PMFBP1: variants seen among roughly 807,000 people sequenced by gnomAD.
PMFBP1 encodes polyamine-modulated factor 1-binding protein 1.
Under a neutral mutation model 137.8 loss-of-function variants are expected in PMFBP1, and 131 were observed. The observed-to-expected ratio is 0.95, with a 90% CI of 0.82 to 1.10. PMFBP1 has a LOEUF of 1.10. Ranked by LOEUF, PMFBP1 falls within the 50% of genes least tolerant of loss-of-function variation. The probability of loss-of-function intolerance (pLI) is 0.00; values close to 1 mark genes in which losing one functional copy is unlikely to be tolerated. For synonymous variants in PMFBP1, 490 were observed against 450.4 expected (o/e 1.09, Z -1.11); for missense variants, 1,199 against 1,175.4 (o/e 1.02, Z -0.29).
the PMFBP1 span, among the ~76,000 whole-genome samples, chr16:72,191,790 G>C: frequency 6.6e-6 from 1 of 152,186 alleles, no homozygotes; most frequent in Non-Finnish European, 1.5e-5. Context: ...AAGAGGCTCT[G>C]TCCTGGCAGG....
the PMFBP1 span, among the ~76,000 whole-genome samples, chr16:72,191,793 C>T: frequency 3.3e-5 from 5 of 152,194 alleles, no homozygotes; most frequent in Non-Finnish European, 5.9e-5. Flanking sequence ...AGGCTCTGTC[C>T]TGGCAGGCAC....
At chr16:72,208,006 G>A in the PMFBP1 span, among the ~76,000 whole-genome samples, 1 of 152,148 alleles carries the variant, frequency 6.6e-6, no homozygotes, top group Non-Finnish European at 1.5e-5. Flanking sequence ...AGCTCAGATA[G>A]CCAGGCAGGA....
At chr16:72,173,195 C>G (rs368191952), upstream of PMFBP1, among the ~76,000 whole-genome samples, 30 of 152,286 alleles carry the variant, frequency 2.0e-4, 2 homozygotes, top group Admixed American at 1.0e-3. Flanking sequence ...AGAAGTCTTT[C>G]CTAGCTTTAA....
chr16:72,235,927 C>A, the PMFBP1 span, among the ~76,000 whole-genome samples: 1 of 152,046 alleles, frequency 6.6e-6, no homozygotes, highest in Admixed American at 6.6e-5. Context: ...CAAGATCATG[C>A]CATCTAAAAA....
the PMFBP1 span, among the ~76,000 whole-genome samples, chr16:72,242,427 G>T: frequency 6.6e-6 from 1 of 152,238 alleles, no homozygotes; most frequent in Admixed American, 6.5e-5. Context: ...GTAAAGGAAA[G>T]TATCTAATTA....
At chr16:72,141,839 T>C (rs554254616) in intron 5 of PMFBP1, among the ~76,000 whole-genome samples, 1 of 152,164 alleles carries the variant, frequency 6.6e-6, no homozygotes, top group African/African-American at 2.4e-5. Flanking sequence ...ATTGTACTAT[T>C]GTCCTTCAAA....
the PMFBP1 span, among the ~76,000 whole-genome samples, chr16:72,227,155 C>T: frequency 1.3e-4 from 19 of 151,884 alleles, no homozygotes; most frequent in South Asian, 2.1e-4. Flanking sequence ...GCTTAATGTC[C>T]GCATTTAATA....
At chr16:72,126,629 T>A (rs2144258086) in intron 14 of PMFBP1, among the ~76,000 whole-genome samples, 1 of 152,356 alleles carries the variant, frequency 6.6e-6, no homozygotes, top group Non-Finnish European at 1.5e-5. Flanking sequence ...ATGACAGAGT[T>A]TCAGGAAATG....
At chr16:72,123,689 G>C in intron 17 of PMFBP1, 40 bp from the exon 18 acceptor site, 1 of 1,562,312 alleles carries the variant, frequency 6.4e-7, no homozygotes, top group South Asian at 1.1e-5. Context: ...AGAGGTGGGA[G>C]CACAGGCCTG....
chr16:72,175,843 T>C (rs890519894), upstream of PMFBP1, among the ~76,000 whole-genome samples: 2 of 152,216 alleles, frequency 1.3e-5, no homozygotes, highest in Admixed American at 1.3e-4. Flanking sequence ...AAAGGTTTTC[T>C]CTATTTTTAA....
intron 7 of PMFBP1, among the ~76,000 whole-genome samples, chr16:72,137,244 G>A (rs1020533119): frequency 6.6e-6 from 1 of 152,110 alleles, no homozygotes; most frequent in African/African-American, 2.4e-5. Context: ...CTGTGTGCCC[G>A]GCACTGTCCT....
At chr16:72,198,784 AG>A in the PMFBP1 span, among the ~76,000 whole-genome samples, 2 of 152,094 alleles carry the variant, frequency 1.3e-5, no homozygotes, top group South Asian at 2.1e-4. Context: ...GTGTATTTTC[AG>A]TCCCTGTCAC....
upstream of PMFBP1, among the ~76,000 whole-genome samples, chr16:72,172,924 G>A (rs538992761): frequency 2.0e-5 from 3 of 152,332 alleles, no homozygotes; most frequent in South Asian, 6.2e-4. Flanking sequence ...TGTTAAAAAT[G>A]CAATATCTGT....
At chr16:72,222,300 G>C in the PMFBP1 span, among the ~76,000 whole-genome samples, 1 of 152,176 alleles carries the variant, frequency 6.6e-6, no homozygotes, top group Non-Finnish European at 1.5e-5. Context: ...CCTAAGATCA[G>C]TGCAGCCCTC....
At chr16:72,133,469 G>A (rs933534030) in intron 9 of PMFBP1, among the ~76,000 whole-genome samples, 5 of 152,108 alleles carry the variant, frequency 3.3e-5, no homozygotes, top group South Asian at 2.1e-4. Flanking sequence ...CTGAGCCACC[G>A]TACCCAGCCG....
downstream of PMFBP1, among the ~76,000 whole-genome samples, chr16:72,116,955 C>G (rs1172512733): frequency 7.3e-6 from 1 of 137,462 alleles, no homozygotes; most frequent in Non-Finnish European, 1.5e-5. Context: ...CAGCTTTGTT[C>G]TTCTTTTTTG....
downstream of PMFBP1, among the ~76,000 whole-genome samples, chr16:72,116,660 T>C (rs144590537): frequency 9.9e-4 from 150 of 151,222 alleles, no homozygotes; most frequent in African/African-American, 3.3e-3. Flanking sequence ...GAGTTAATTT[T>C]TGTATAAGGT....
chr16:72,218,290 C>T, the PMFBP1 span, among the ~76,000 whole-genome samples: 1 of 152,104 alleles, frequency 6.6e-6, no homozygotes, highest in Non-Finnish European at 1.5e-5. Context: ...ACAGAAATGC[C>T]TTGAAAAACT....
the PMFBP1 span, among the ~76,000 whole-genome samples, chr16:72,204,795 C>G: frequency 3.9e-5 from 6 of 152,140 alleles, no homozygotes; most frequent in Admixed American, 3.9e-4. Context: ...CACCACCCAA[C>G]AAAACTTTCT....
Sources: gnomAD v4.1 joint callset for allele counts (sites outside exome capture counted in the v4.1 genomes callset) on GRCh38, gnomAD v4.1.1 for gene constraint, MANE v1.5 for transcripts, NCBI Gene and HGNC (gene_info 2026-07-23, HGNC 2026-07-21) for gene names.